The following CLOCK variants were observed in gnomAD, a reference collection of about 807,000 sequenced individuals.
The protein encoded by CLOCK is circadian locomoter output cycles protein kaput.
Under a neutral mutation model 118.4 loss-of-function variants are expected in CLOCK, and 43 were observed. The observed-to-expected ratio is 0.36, with a 90% CI of 0.28 to 0.47. The LOEUF (loss-of-function observed/expected upper bound fraction) is 0.47, where lower values mean the gene tolerates loss of function less well. Among genes scored for constraint, CLOCK ranks in the 20% least tolerant of loss-of-function variants. The pLI is 1.00. For synonymous variants in CLOCK, 326 were observed against 339.2 expected (o/e 0.96, Z 0.43); for missense variants, 846 against 999.9 (o/e 0.85, Z 2.08).
intron 21 of CLOCK, among the ~76,000 whole-genome samples, chr4:55,440,031 T>C (rs191266064): frequency 1.3e-5 from 2 of 152,216 alleles, no homozygotes; most frequent in African/African-American, 4.8e-5. Context: ...TTTTTTAATC[T>C]ATAAAAAAAA....
At chr4:55,517,488 C>G (rs186587884) in intron 1 of CLOCK, among the ~76,000 whole-genome samples, 1 of 152,262 alleles carries the variant, frequency 6.6e-6, no homozygotes, top group African/African-American at 2.4e-5. Context: ...CCAGCCCGGG[C>G]AACAGAGCCA....
At chr4:55,449,992 T>C (rs901878977) in intron 16 of CLOCK, 99 bp downstream of exon 16, 44 of 1,406,960 alleles carry the variant, frequency 3.1e-5, no homozygotes, top group Admixed American at 2.7e-4. Context: ...TAAAAACTTA[T>C]AATTTTAAAG....
rs1336298180 is a variant in CLOCK, at chr4:55,433,290, TGATATGTTAATTAC to T, written c.*2111_*2124del. 2 of 152,642 alleles carry T rather than the reference TGATATGTTAATTAC, an allele frequency of 1.3e-5. No individual in the cohort carries two copies. The highest frequency in any genetic ancestry group is 4.8e-5 in the African/African-American group (2 of 41,450). 9.5% of individuals were successfully genotyped at this position (152,642 alleles called of 1,614,324 possible). A position where few individuals can be genotyped will look rare whatever the true frequency, so the allele number is the denominator to read the frequency against. The stretch of plus-strand genomic sequence containing the variant: ...TGGTCATTTAGCTAGAAGAGCTCCT[TGATATGTTAATTAC>T]TGATTGATATCTAGTCACACTTCTT... On this transcript the variant is annotated 3_prime_UTR_variant, in exon 23 of 23. Transcript: ENST00000513440.
At chr4:55,476,823 T>A (rs1166215053) in intron 6 of CLOCK, among the ~76,000 whole-genome samples, 1 of 152,152 alleles carries the variant, frequency 6.6e-6, no homozygotes, top group Non-Finnish European at 1.5e-5. Context: ...AATGTAGACA[T>A]ATTAAAACAA....
chr4:55,438,649 G>A, intron 21 of CLOCK, 112 bp from the exon 22 acceptor site: 2 of 1,493,842 alleles, frequency 1.3e-6, no homozygotes, highest in Non-Finnish European at 1.8e-6. Context: ...TTGCCAGTTT[G>A]TTTTTCAAGG....
At chr4:55,435,641 C>T (rs748612208) in intron 22 of CLOCK, 47 bp from the exon 23 acceptor site, 51 of 1,584,940 alleles carry the variant, frequency 3.2e-5, no homozygotes, top group Non-Finnish European at 4.4e-5. Context: ...CCCTTTATGG[C>T]ACCCACATAA....
chr4:55,480,617 G>A (rs928597527), intron 4 of CLOCK, among the ~76,000 whole-genome samples: 6 of 152,156 alleles, frequency 3.9e-5, no homozygotes, highest in African/African-American at 4.8e-5. Context: ...GAGGCTAGGC[G>A]CAGTGGCTCA....
At chr4:55,462,248 T>A (rs1015994264) in intron 9 of CLOCK, among the ~76,000 whole-genome samples, 1 of 152,218 alleles carries the variant, frequency 6.6e-6, no homozygotes, top group African/African-American at 2.4e-5. Flanking sequence ...GCAAACGCCT[T>A]CTCCTTTGTC....
intron 1 of CLOCK, among the ~76,000 whole-genome samples, chr4:55,519,502 T>C (rs144751560): frequency 2.6e-5 from 4 of 152,264 alleles, no homozygotes; most frequent in East Asian, 1.9e-4. Context: ...ATAAATGTCA[T>C]TGGACCAGGC....
At chr4:55,483,718 C>A (rs7699867) in intron 3 of CLOCK, among the ~76,000 whole-genome samples, 46,138 of 152,052 alleles carry the variant, frequency 0.3, 7,615 homozygotes, top group East Asian at 0.58. Context: ...TATGAAAAAC[C>A]TGGGATGTTA....
intron 6 of CLOCK, among the ~76,000 whole-genome samples, chr4:55,477,437 A>G (rs1726594603): frequency 6.6e-6 from 1 of 152,062 alleles, no homozygotes; most frequent in Non-Finnish European, 1.5e-5. Flanking sequence ...GAAAGAATCA[A>G]CAGAATTTGG....
chr4:55,493,695 A>C (rs1179335652), intron 2 of CLOCK, among the ~76,000 whole-genome samples: 1 of 152,222 alleles, frequency 6.6e-6, no homozygotes, highest in Non-Finnish European at 1.5e-5. Flanking sequence ...TGTATTAGCC[A>C]CCTCTACAAC....
intron 3 of CLOCK, among the ~76,000 whole-genome samples, chr4:55,485,743 G>A (rs1447217893): frequency 6.6e-6 from 1 of 152,138 alleles, no homozygotes; most frequent in African/African-American, 2.4e-5. Flanking sequence ...AACTAAAATA[G>A]TATAATTGGA....
intron 7 of CLOCK, 145 bp downstream of exon 7, chr4:55,475,818 T>C: frequency 9.3e-6 from 6 of 648,416 alleles, no homozygotes; most frequent in South Asian, 8.5e-5. Context: ...ACAATTCATG[T>C]GACTCATTTT....
intron 7 of CLOCK, among the ~76,000 whole-genome samples, chr4:55,472,332 T>C (rs1726204413): frequency 6.6e-6 from 1 of 152,168 alleles, no homozygotes; most frequent in South Asian, 2.1e-4. Context: ...CACTCATTCA[T>C]GAACTTTAGA....
intron 1 of CLOCK, among the ~76,000 whole-genome samples, chr4:55,543,056 G>A (rs950726385): frequency 6.6e-6 from 1 of 152,012 alleles, no homozygotes; most frequent in African/African-American, 2.4e-5. Flanking sequence ...TGAAACTACG[G>A]TGTGCACCAC....
In CLOCK at chr4:55,497,333, C is replaced by A. The variant is rs1394702619; in HGVS notation, c.-135-7868G>T. ...TCTTTCTTCCCTTATTACATTAAGC[C>A]CACATAGATAATCTAAGATAACCTC... On this transcript the variant is annotated intron_variant, in intron 2 of 22. Coordinates refer to ENST00000513440, the MANE Select transcript of CLOCK (RefSeq NM_004898.4). Among the ~76,000 whole-genome samples the A allele has an allele frequency of 4.6e-5, 7 of 152,282 alleles. No individual in the cohort carries two copies. The East Asian group carries it at 1.4e-3, about 29-fold the overall frequency.
rs1723562511 is a variant in CLOCK, at chr4:55,443,767, G to C, written c.1822C>G (p.Gln608Glu). ...ATGTGTCCAGTATTCATTCCACTTT[G>C]AATCTGGTTAGTAGGAACAACTTGG... is the stretch of plus-strand genomic sequence containing the variant. ...QGQVVPTNQI[Q>E]SGMNTGHIGT... Residue 608 changes from glutamine to glutamate, a missense_variant, in exon 20 of 23, where the codon CAA (glutamine) becomes GAA (glutamate). Coordinates refer to ENST00000513440, the MANE Select transcript of CLOCK (RefSeq NM_004898.4). 6.2e-7 allele frequency: 1 copy of C among 1,614,064 alleles called. No homozygotes were observed. The highest frequency in any genetic ancestry group is 1.3e-5 in the African/African-American group (1 of 75,028).
intron 13 of CLOCK, 53 bp from the exon 14 acceptor site, chr4:55,453,877 TG>T (rs1319884989): frequency 3.7e-6 from 5 of 1,360,910 alleles, no homozygotes; most frequent in African/African-American, 2.9e-5. Context: ...ATATAAAGAT[TG>T]TTTTTTAACC....
Sources: gnomAD v4.1 joint callset for allele counts (sites outside exome capture counted in the v4.1 genomes callset) on GRCh38, gnomAD v4.1.1 for gene constraint, MANE v1.5 for transcripts, NCBI Gene and HGNC (gene_info 2026-07-23, HGNC 2026-07-21) for gene names.